Variants in CUX2 observed in about 807,000 individuals in gnomAD.
The protein encoded by CUX2 is homeobox protein cut-like 2.
A neutral mutation model predicts 144.8 loss-of-function variants in CUX2; 40 were observed. The observed-to-expected ratio is 0.28, with a 90% CI of 0.21 to 0.36. CUX2 has a LOEUF of 0.36. CUX2 is among the 10% of genes least tolerant of loss of function. The probability of loss-of-function intolerance (pLI) is 1.00; values close to 1 mark genes in which losing one functional copy is unlikely to be tolerated. For missense variants in CUX2, 1,615 were observed against 1,994.0 expected (o/e 0.81, Z 3.62); for synonymous variants, 827 against 875.6 (o/e 0.94, Z 0.98).
chr12:111,266,999 C>A (rs1021450252), intron 4 of CUX2, among the ~76,000 whole-genome samples: 1 of 152,064 alleles, frequency 6.6e-6, no homozygotes, highest in Non-Finnish European at 1.5e-5. Flanking sequence ...AGTTTGAGAC[C>A]AGCCTAGGCA....
intron 3 of CUX2, among the ~76,000 whole-genome samples, chr12:111,230,344 T>G (rs1403224276): frequency 6.6e-6 from 1 of 152,060 alleles, no homozygotes; most frequent in African/African-American, 2.4e-5. Context: ...GCGGTGTCTT[T>G]CTCTAGAATC....
intron 1 of CUX2, among the ~76,000 whole-genome samples, chr12:111,203,231 C>CAAAAAAAAAAAAAAAAA (rs35855857): frequency 1.3e-5 from 1 of 76,568 alleles, no homozygotes; most frequent in Non-Finnish European, 2.7e-5. Flanking sequence ...GACTCTGTCT[C>CAAAAAAAAAAAAAAAAA]AAAAAAAAAA....
chr12:111,268,257 C>A (rs1033324731), intron 4 of CUX2, among the ~76,000 whole-genome samples: 1 of 151,788 alleles, frequency 6.6e-6, no homozygotes, highest in South Asian at 2.1e-4. Context: ...CAGGGTCTTG[C>A]TCTGTTTCCC....
At chr12:111,302,729 G>A (rs150994180) in intron 9 of CUX2, among the ~76,000 whole-genome samples, 6,054 of 150,714 alleles carry the variant, frequency 0.04, 147 homozygotes, top group South Asian at 0.089. Context: ...GAAAAACCCC[G>A]TCTCTACTAA....
chr12:111,090,567 C>T (rs912978428), intron 1 of CUX2, among the ~76,000 whole-genome samples: 1 of 152,078 alleles, frequency 6.6e-6, no homozygotes, highest in South Asian at 2.1e-4. Context: ...GCCCGGCCTG[C>T]GATCCCTTTA....
chr12:111,224,972 C>T (rs2136237040), intron 3 of CUX2, among the ~76,000 whole-genome samples: 2 of 152,264 alleles, frequency 1.3e-5, no homozygotes, highest in South Asian at 4.1e-4. Flanking sequence ...TTGGTGCATT[C>T]GCAGCTCACT....
At chr12:111,155,746 G>A (rs1877331841) in intron 1 of CUX2, among the ~76,000 whole-genome samples, 1 of 152,120 alleles carries the variant, frequency 6.6e-6, no homozygotes, top group Non-Finnish European at 1.5e-5. Flanking sequence ...GGAAAGTTCA[G>A]CCTGGCAAGT....
rs533887208 is a variant in CUX2, at chr12:111,347,715, A to G, written c.3851A>G (p.Asn1284Ser). The G allele has an allele frequency of 6.2e-7, 1 of 1,613,802 alleles. No individual in the cohort carries two copies. The highest frequency in any genetic ancestry group is 8.5e-7 in the Non-Finnish European group (1 of 1,179,980). Residue 1284 changes from asparagine (N) to serine (S), a missense_variant, in exon 22 of 22, where the codon AAC (asparagine) becomes AGC (serine). Asn to Ser is a conservative substitution (Grantham distance 46, BLOSUM62 1). Coordinates refer to ENST00000261726, the MANE Select transcript of CUX2 (RefSeq NM_015267.4). Reference protein sequence around the residue: ...ELELQEGPEENSTPLTTQDKA... With the variant: ...ELELQEGPEESSTPLTTQDKA... ...GAGCTTCAGGAGGGCCCTGAGGAGA[A>G]CAGCACACCCCTGACCACCCAGGAC...
intron 18 of CUX2, among the ~76,000 whole-genome samples, chr12:111,323,938 G>A (rs1294159669): frequency 6.6e-6 from 1 of 152,170 alleles, no homozygotes; most frequent in Non-Finnish European, 1.5e-5. Context: ...CTGTAAGGGT[G>A]AGGCAGGAGG....
chr12:111,264,818 A>C (rs955825527), intron 4 of CUX2, among the ~76,000 whole-genome samples: 1 of 152,200 alleles, frequency 6.6e-6, no homozygotes, highest in Non-Finnish European at 1.5e-5. Flanking sequence ...GTGCTGAGTG[A>C]AGGAAGCCAG....
intron 1 of CUX2, among the ~76,000 whole-genome samples, chr12:111,066,400 G>T (rs1479393088): frequency 6.6e-6 from 1 of 152,184 alleles, no homozygotes; most frequent in Non-Finnish European, 1.5e-5. Flanking sequence ...TTCTCCTTTA[G>T]AATTCTTTTT....
At position 111,166,251 on chromosome 12, in the gene CUX2, G is replaced by A. The variant is rs559529528; in HGVS notation, c.64-47949G>A. 3.9e-5 allele frequency among the ~76,000 whole-genome samples: 6 copies of A among 152,264 alleles called. No homozygotes were observed. The East Asian group carries it at 1.2e-3, about 29-fold the overall frequency. On this transcript the variant is annotated intron_variant, in intron 1 of 21. Transcript: ENST00000261726. The stretch of plus-strand genomic sequence containing the variant: ...TGCCCAGGCTGGACTTGATCTTCTG[G>A]CCTCAAGCGATTCTCCTGCCTTAGC...
chr12:111,319,501 G>T (rs911371332), intron 16 of CUX2, among the ~76,000 whole-genome samples: 1 of 152,036 alleles, frequency 6.6e-6, no homozygotes, highest in African/African-American at 2.4e-5. Context: ...CACTTTGGGA[G>T]GCTGAGGTGT....
intron 1 of CUX2, among the ~76,000 whole-genome samples, chr12:111,170,441 G>GA (rs66614071): frequency 0.68 from 95,233 of 140,116 alleles, 35,774 homozygotes; most frequent in Non-Finnish European, 0.83. Context: ...AAGAAAGAAA[G>GA]AAAAAAAAAA....
At chr12:111,105,035 C>T (rs1365482328) in intron 1 of CUX2, among the ~76,000 whole-genome samples, 3 of 152,192 alleles carry the variant, frequency 2.0e-5, no homozygotes, top group Non-Finnish European at 1.5e-5. Flanking sequence ...GCCTTATAAC[C>T]TGTTCTCCTC....
At chr12:111,091,595 A>G (rs987663922) in intron 1 of CUX2, among the ~76,000 whole-genome samples, 1 of 152,190 alleles carries the variant, frequency 6.6e-6, no homozygotes, top group Non-Finnish European at 1.5e-5. Flanking sequence ...CACTTTTTAT[A>G]GAAGAACGCT....
chr12:111,161,518 G>A (rs1053680029), intron 1 of CUX2, among the ~76,000 whole-genome samples: 1 of 152,188 alleles, frequency 6.6e-6, no homozygotes, highest in African/African-American at 2.4e-5. Flanking sequence ...CTGTGTGTCC[G>A]CCCTGACTAC....
chr12:111,341,816 G>T lies in CUX2; in HGVS notation c.3422G>T (p.Gly1141Val). ...LKRRYGLIST[G>V]SDSESPATRS... is the part of the protein sequence containing the mutation. Reference sequence around the variant, plus strand: ...CGTCGCTATGGCCTCATCAGCACCGGCTCAGACAGTGAGTCCCCGGCCACC... The same window carrying T: ...CGTCGCTATGGCCTCATCAGCACCGTCTCAGACAGTGAGTCCCCGGCCACC... Residue 1141 changes from glycine (G) to valine (V), a missense_variant, in exon 21 of 22, where the codon GGC becomes GTC. By Grantham distance (109) the Gly-to-Val change is moderately radical. Transcript: ENST00000261726. 1.2e-6 allele frequency: 2 copies of T among 1,611,432 alleles called. No homozygotes were observed. The highest frequency in any genetic ancestry group is 8.5e-7 in the Non-Finnish European group (1 of 1,179,596).
chr12:111,159,266 A>C (rs1388477435), intron 1 of CUX2, among the ~76,000 whole-genome samples: 1 of 150,468 alleles, frequency 6.6e-6, no homozygotes, highest in East Asian at 1.9e-4. Context: ...GCCTACCTCA[A>C]CCTTCAAAGG....
Sources: allele counts gnomAD v4.1 joint callset (sites outside exome capture counted in the v4.1 genomes callset), GRCh38; gene constraint gnomAD v4.1.1; transcripts MANE v1.5; gene names NCBI Gene and HGNC (gene_info 2026-07-23, HGNC 2026-07-21).